Variants in ICA1L observed in about 807,000 individuals in gnomAD.
ICA1L encodes islet cell autoantigen 1-like protein.
Under a neutral mutation model 61.3 loss-of-function variants are expected in ICA1L, and 50 were observed. The observed-to-expected ratio is 0.82, with a 90% confidence interval of 0.65 to 1.03. ICA1L has a LOEUF of 1.03. Ranked by LOEUF, ICA1L falls within the 50% of genes least tolerant of loss-of-function variation. ICA1L has a pLI of 0.00. For synonymous variants in ICA1L, 161 were observed against 191.3 expected (o/e 0.84, Z 1.31); for missense variants, 508 against 556.7 (o/e 0.91, Z 0.88).
chr2:202,795,501 A>T (rs1692898387), intron 10 of ICA1L, among the ~76,000 whole-genome samples: 1 of 151,546 alleles, frequency 6.6e-6, no homozygotes, highest in East Asian at 2.0e-4. Context: ...AGGCTGAGGC[A>T]GGAGAATCGC....
intron 1 of ICA1L, chr2:202,840,310 G>T: frequency 2.2e-6 from 1 of 464,750 alleles, no homozygotes; most frequent in Non-Finnish European, 4.2e-6. Context: ...GGGGCACACT[G>T]GGAGGAGCTG....
intron 6 of ICA1L, 72 bp downstream of exon 6, chr2:202,817,346 T>C: frequency 1.4e-6 from 2 of 1,386,414 alleles, no homozygotes; most frequent in South Asian, 1.6e-5. Context: ...TTACACCCTT[T>C]AGACAACTTT....
intron 9 of ICA1L, among the ~76,000 whole-genome samples, chr2:202,800,830 T>A (rs1368698972): frequency 6.6e-6 from 1 of 152,040 alleles, no homozygotes; most frequent in Admixed American, 6.6e-5. Context: ...ACAACCAAAG[T>A]AATTAAAAGG....
chr2:202,783,607 A>G (rs1399080246), intron 12 of ICA1L, among the ~76,000 whole-genome samples: 1 of 152,260 alleles, frequency 6.6e-6, no homozygotes, highest in Non-Finnish European at 1.5e-5. Context: ...GTTCCAGATT[A>G]AAAGACTAAA....
Position 202,821,414 on chromosome 2 carries a change from T to C in ICA1L, c.303A>G (p.Gln101=). The C allele has an allele frequency of 6.2e-7, 1 of 1,613,630 alleles. No homozygotes were observed. Among genetic ancestry groups the C allele is most frequent in the East Asian group, 2.2e-5 (1 of 44,810 alleles). ...CAGTGGCATCCATCATTTTGCCAGCTTGAGTTGCATCCCGTTCTGCTTGAA... is the reference window on the plus strand; with the variant it reads ...CAGTGGCATCCATCATTTTGCCAGCCTGAGTTGCATCCCGTTCTGCTTGAA... The part of the protein sequence containing the change: ...LKFQAERDAT[Q]AGKMMDATGK... Residue 101 remains glutamine (Q), a synonymous_variant, in exon 4 of 13, where the codon CAA becomes CAG. Transcript: ENST00000358299.
chr2:202,819,226 TAAG>T (rs1280256720), intron 5 of ICA1L, among the ~76,000 whole-genome samples: 2 of 152,244 alleles, frequency 1.3e-5, no homozygotes, highest in African/African-American at 4.8e-5. Flanking sequence ...TAATTTATAA[TAAG>T]GAGTTTATTT....
At chr2:202,786,473 C>A (rs947606625) in intron 11 of ICA1L, among the ~76,000 whole-genome samples, 1 of 151,944 alleles carries the variant, frequency 6.6e-6, no homozygotes, top group Admixed American at 6.6e-5. Context: ...GGCGTGAACC[C>A]GGGAAGCGGA....
chr2:202,855,022 A>C (rs1235917773), intron 1 of ICA1L, among the ~76,000 whole-genome samples: 1 of 152,220 alleles, frequency 6.6e-6, no homozygotes, highest in Non-Finnish European at 1.5e-5. Context: ...CTACATGGAA[A>C]CTAAACAATC....
chr2:202,777,102 G>C lies in ICA1L; in HGVS notation c.*2431C>G, dbSNP rs1264405659. On this transcript the variant is annotated 3_prime_UTR_variant, in exon 13 of 13. Coordinates refer to ENST00000358299, the MANE Select transcript of ICA1L (RefSeq NM_001288622.3). ...GAGTCGCTCTCTGTTGCCCAGGCTGGAGTGTAGTGGTGCAATCTCGACTCA... is the reference window on the plus strand; with the variant it reads ...GAGTCGCTCTCTGTTGCCCAGGCTGCAGTGTAGTGGTGCAATCTCGACTCA... 7.5e-6 allele frequency: 1 copy of C among 134,170 alleles called. No individual in the cohort carries two copies. The highest frequency in any genetic ancestry group is 2.8e-5 in the African/African-American group (1 of 35,186). 8.3% of individuals were successfully genotyped at this position (134,170 alleles called of 1,614,324 possible).
chr2:202,781,153 C>T (rs1333884765), intron 12 of ICA1L, among the ~76,000 whole-genome samples: 2 of 152,082 alleles, frequency 1.3e-5, no homozygotes, highest in East Asian at 3.9e-4. Context: ...CTTGTGTACA[C>T]TATTACTGCC....
intron 1 of ICA1L, among the ~76,000 whole-genome samples, chr2:202,859,992 G>A (rs1446688846): frequency 6.6e-6 from 1 of 152,082 alleles, no homozygotes; most frequent in Non-Finnish European, 1.5e-5. Context: ...CATGCATTAA[G>A]AACATTTTTG....
chr2:202,807,778 T>C (rs554814275), intron 9 of ICA1L, among the ~76,000 whole-genome samples: 10 of 152,096 alleles, frequency 6.6e-5, no homozygotes, highest in African/African-American at 2.4e-4. Context: ...GGATACCAGC[T>C]CAGCCACAGT....
intron 1 of ICA1L, chr2:202,841,479 TTTG>T (rs769014641): frequency 2.4e-6 from 2 of 838,242 alleles, no homozygotes; most frequent in Non-Finnish European, 4.1e-6. Context: ...AGGAGGCAAA[TTTG>T]TTGTTGAGGG....
In ICA1L at chr2:202,773,913, A is replaced by G; in HGVS notation, c.*5620T>C. On this transcript the variant is annotated 3_prime_UTR_variant, in exon 13 of 13. Transcript: ENST00000358299. ...ATAAACCAGTGGAATAAGAACAGTC[A>G]ACGTAGAAAGAGACAGAAAGATTCT... is the stretch of plus-strand genomic sequence containing the variant. 8.1e-7 allele frequency: 1 copy of G among 1,239,202 alleles called. No homozygotes were observed. Among genetic ancestry groups the G allele is most frequent in the Non-Finnish European group, 1.2e-6 (1 of 849,180 alleles). 76.8% of individuals were successfully genotyped at this position (1,239,202 alleles called of 1,614,324 possible).
rs1692143425 is a variant in ICA1L, at chr2:202,774,242, T to C, written c.*5291A>G. 24 of 1,546,966 alleles carry C rather than the reference T, an allele frequency of 1.6e-5. No homozygotes were observed. The highest frequency in any genetic ancestry group is 2.0e-5 in the Non-Finnish European group (23 of 1,145,810). The stretch of plus-strand genomic sequence containing the variant: ...GGCGCGGGGCGGCTCCTGAGTCTTC[T>C]CGCTCCTGTCGGCCAAAGGCCGTGA... On this transcript the variant is annotated 3_prime_UTR_variant, in exon 13 of 13. Coordinates refer to ENST00000358299, the MANE Select transcript of ICA1L (RefSeq NM_001288622.3).
At position 202,786,563 on chromosome 2, in the gene ICA1L, A is replaced by T. The variant is rs202039427; in HGVS notation, c.1244-556T>A. The T allele has an allele frequency of 9.6e-4, 236 of 247,108 alleles. 1 individual carries two copies. Among genetic ancestry groups the T allele is most frequent in the Middle Eastern group, 1.4e-3 (3 of 2,138 alleles). 15.3% of individuals were successfully genotyped at this position (247,108 alleles called of 1,614,324 possible). On this transcript the variant is annotated intron_variant, in intron 11 of 12. Coordinates refer to ENST00000358299, the MANE Select transcript of ICA1L (RefSeq NM_001288622.3). ...AGAGCGAGACTCCGTCTCAAAAAAA[A>T]AATAATAATAATAATTGAAATGCAA...
chr2:202,818,493 G>A (rs1319263486), intron 5 of ICA1L, among the ~76,000 whole-genome samples: 1 of 152,200 alleles, frequency 6.6e-6, no homozygotes, highest in African/African-American at 2.4e-5. Flanking sequence ...TTAGGGTCCA[G>A]ATAGGGACTT....
At chr2:202,797,882 A>G (rs919608178) in intron 9 of ICA1L, among the ~76,000 whole-genome samples, 6 of 152,154 alleles carry the variant, frequency 3.9e-5, no homozygotes, top group African/African-American at 1.4e-4. Context: ...TTTACAATAG[A>G]TCTTTTGAAC....
At chr2:202,796,812 A>AGAAAC in intron 10 of ICA1L, 78 bp downstream of exon 10, 1 of 837,872 alleles carries the variant, frequency 1.2e-6, no homozygotes, top group African/African-American at 1.7e-5. Flanking sequence ...ACAGTTTCTA[A>AGAAAC]TGTTAAGGAA....
Sources: gnomAD v4.1 joint callset for allele counts (sites outside exome capture counted in the v4.1 genomes callset) on GRCh38, gnomAD v4.1.1 for gene constraint, MANE v1.5 for transcripts, NCBI Gene and HGNC (gene_info 2026-07-23, HGNC 2026-07-21) for gene names.